Variants in ATF7IP2 observed in about 807,000 individuals in gnomAD.
The protein encoded by ATF7IP2 is activating transcription factor 7-interacting protein 2.
ATF7IP2 carries 42 observed loss-of-function variants against 64.2 expected under a neutral mutation model. That is an observed-to-expected ratio of 0.65 (90% confidence interval 0.51 to 0.85). The LOEUF (loss-of-function observed/expected upper bound fraction) is 0.85, where lower values mean the gene tolerates loss of function less well. Among genes scored for constraint, ATF7IP2 ranks in the 40% least tolerant of loss-of-function variants. The pLI is 0.00. For synonymous variants in ATF7IP2, 308 were observed against 272.8 expected, an observed-to-expected ratio of 1.13 and a Z score of -1.27; for missense variants, 933 against 784.2, an observed-to-expected ratio of 1.19 and a Z score of -2.27.
chr16:10,445,660 A>G (rs1368191006), intron 8 of ATF7IP2: 4 of 152,194 alleles, frequency 2.6e-5, no homozygotes, highest in African/African-American at 4.8e-5. Context: ...ATGTGCCGCC[A>G]TGACTGTCTA....
chr16:10,466,614 A>T (rs1187680147), intron 9 of ATF7IP2, among the ~76,000 whole-genome samples: 1 of 152,182 alleles, frequency 6.6e-6, no homozygotes, highest in Non-Finnish European at 1.5e-5. Flanking sequence ...CTAATAATGA[A>T]AATTAAGCAA....
intron 6 of ATF7IP2, among the ~76,000 whole-genome samples, chr16:10,435,856 A>G (rs907737314): frequency 6.6e-6 from 1 of 152,198 alleles, no homozygotes; most frequent in Non-Finnish European, 1.5e-5. Flanking sequence ...ATTTTTAACA[A>G]CCATCCCATG....
intron 3 of ATF7IP2, among the ~76,000 whole-genome samples, chr16:10,427,899 A>T (rs112840136): frequency 3.9e-5 from 6 of 152,220 alleles, no homozygotes; most frequent in African/African-American, 9.6e-5. Context: ...ATCTTTCACA[A>T]ATGATCAGAT....
intron 1 of ATF7IP2, among the ~76,000 whole-genome samples, chr16:10,396,158 G>C (rs1003477236): frequency 1.3e-5 from 2 of 152,038 alleles, no homozygotes; most frequent in Non-Finnish European, 1.5e-5. Flanking sequence ...ATATATAATA[G>C]CATCAAAAAG....
chr16:10,444,060 G>T (rs1031236059), intron 8 of ATF7IP2, among the ~76,000 whole-genome samples: 2 of 152,132 alleles, frequency 1.3e-5, no homozygotes, highest in Non-Finnish European at 2.9e-5. Context: ...TAGAGGGCCA[G>T]GGCAAAGGTA....
Position 10,480,978 on chromosome 16 carries a change from G to C in ATF7IP2, c.1635+14G>C. The C allele has an allele frequency of 6.4e-7, 1 of 1,560,404 alleles. No individual in the cohort carries two copies. Among genetic ancestry groups the C allele is most frequent in the Non-Finnish European group, 8.8e-7 (1 of 1,131,514 alleles). ...AATGCAGTCCAGGTACTGAATCAAA[G>C]TGCTCTGTAAGGGATATTTATTCCA... On this transcript the variant is annotated intron_variant, in intron 13 of 13. Transcript: ENST00000562102.
chr16:10,393,221 A>C (rs1383640181), intron 1 of ATF7IP2, among the ~76,000 whole-genome samples: 1 of 148,968 alleles, frequency 6.7e-6, no homozygotes, highest in Non-Finnish European at 1.5e-5. Flanking sequence ...GAGGCAGGAG[A>C]ATTGCTTGAA....
chr16:10,449,888 G>A (rs953130938), intron 8 of ATF7IP2: 2 of 152,030 alleles, frequency 1.3e-5, no homozygotes, highest in Non-Finnish European at 2.9e-5. Context: ...GTTTGCTCAT[G>A]CTTCTCTACT....
intron 8 of ATF7IP2, chr16:10,445,473 A>G (rs1302130405): frequency 2.6e-5 from 4 of 152,066 alleles, no homozygotes; most frequent in Non-Finnish European, 5.9e-5. Context: ...GACATGGACA[A>G]TAGCTATTTA....
intron 5 of ATF7IP2, 117 bp downstream of exon 5, chr16:10,431,572 T>G: frequency 1.5e-6 from 1 of 657,646 alleles, no homozygotes; most frequent in South Asian, 2.8e-5. Flanking sequence ...ATGATGACAA[T>G]TATTTCACAG....
rs2050255451 is a variant in ATF7IP2, at chr16:10,482,111, C to T, written c.1911C>T (p.Leu637=). The part of the protein sequence containing the change: ...KKIGEIKALP[L]PMACTLSQFL... ...TTGGAGAAATTAAAGCTTTACCACT[C>T]CCCATGGCCTGTACTTTATCTCAGT... Residue 637 remains leucine (L), a synonymous_variant, in exon 14 of 14, where the codon CTC becomes CTT. Transcript: ENST00000562102. 6.2e-7 allele frequency: 1 copy of T among 1,614,058 alleles called. No individual in the cohort carries two copies. Among genetic ancestry groups the T allele is most frequent in the Non-Finnish European group, 8.5e-7 (1 of 1,179,934 alleles).
intron 5 of ATF7IP2, among the ~76,000 whole-genome samples, chr16:10,431,820 CTTTTTTT>C (rs35046235): frequency 8.8e-6 from 1 of 113,298 alleles, no homozygotes; most frequent in Non-Finnish European, 1.8e-5. Flanking sequence ...AACCCTATTT[CTTTTTTT>C]TTTTTTTTTT....
intron 1 of ATF7IP2, among the ~76,000 whole-genome samples, chr16:10,392,056 C>A (rs201057918): frequency 7.9e-6 from 1 of 126,104 alleles, no homozygotes; most frequent in African/African-American, 3.0e-5. Flanking sequence ...GTTGTATTAT[C>A]TTTTTTTTTT....
chr16:10,460,002 G>C lies in ATF7IP2; in HGVS notation c.1352+2473G>C, dbSNP rs546695646. Among the ~76,000 whole-genome samples the C allele has an allele frequency of 7.2e-5, 11 of 152,228 alleles. No individual in the cohort carries two copies. In the East Asian group the frequency reaches 2.1e-3, roughly 29 times the overall value. ...GAAGGAACAATATTATTACTATTTT[G>C]GGGTGATTGGGGGGTGTGTGTATGA... On this transcript the variant is annotated intron_variant, in intron 9 of 13. Coordinates refer to ENST00000562102, the MANE Select transcript of ATF7IP2 (RefSeq NM_001393719.1).
intron 8 of ATF7IP2, among the ~76,000 whole-genome samples, chr16:10,444,144 ATTGT>A (rs1220505385): frequency 6.6e-6 from 1 of 152,344 alleles, no homozygotes; most frequent in African/African-American, 2.4e-5. Flanking sequence ...ATCAAATGTA[ATTGT>A]TTGAGGAAAC....
chr16:10,463,244 A>G (rs1214316455), intron 9 of ATF7IP2, among the ~76,000 whole-genome samples: 1 of 152,226 alleles, frequency 6.6e-6, no homozygotes, highest in African/African-American at 2.4e-5. Flanking sequence ...GTCTTCCACC[A>G]GACTAGATTC....
At chr16:10,453,340 G>A (rs1050907619) in intron 8 of ATF7IP2, among the ~76,000 whole-genome samples, 2 of 152,178 alleles carry the variant, frequency 1.3e-5, no homozygotes. Context: ...GGGTAGGGAA[G>A]AGAATTCCTT....
chr16:10,431,566 T>C (rs2048257022), intron 5 of ATF7IP2, 111 bp downstream of exon 5: 2 of 685,216 alleles, frequency 2.9e-6, no homozygotes, highest in Admixed American at 3.1e-5. Context: ...AGGTAAATGA[T>C]GACAATTATT....
chr16:10,411,268 G>A (rs549867246), intron 1 of ATF7IP2, among the ~76,000 whole-genome samples: 1 of 151,710 alleles, frequency 6.6e-6, no homozygotes, highest in South Asian at 2.1e-4. Context: ...CTATCTTTTG[G>A]AATAGAGTCA....
Sources: allele counts gnomAD v4.1 joint callset (sites outside exome capture counted in the v4.1 genomes callset), GRCh38; gene constraint gnomAD v4.1.1; transcripts MANE v1.5; gene names NCBI Gene and HGNC (gene_info 2026-07-23, HGNC 2026-07-21).